The following PRKCE variants were observed in gnomAD, a reference collection of about 807,000 sequenced individuals.
The protein encoded by PRKCE is protein kinase C epsilon type.
Under a neutral mutation model 85.4 loss-of-function variants are expected in PRKCE, and 16 were observed. The observed-to-expected ratio is 0.19, with a 90% CI of 0.13 to 0.28. The LOEUF (loss-of-function observed/expected upper bound fraction) is 0.28. Ranked by LOEUF, PRKCE falls within the 10% of genes least tolerant of loss-of-function variation. The pLI, the probability that PRKCE is intolerant of heterozygous loss-of-function variation, is 1.00. For missense variants in PRKCE, 573 were observed against 975.2 expected (o/e 0.59, Z 5.49); for synonymous variants, 388 against 371.5 (o/e 1.04, Z -0.51).
chr2:45,900,944 A>G (rs114014321), intron 2 of PRKCE, among the ~76,000 whole-genome samples: 4,431 of 152,332 alleles, frequency 0.029, 95 homozygotes, highest in South Asian at 0.057. Context: ...CAAATGAGTA[A>G]GGCAATACAG....
chr2:45,942,424 G>T (rs1190590741), intron 2 of PRKCE, among the ~76,000 whole-genome samples: 4 of 152,198 alleles, frequency 2.6e-5, no homozygotes, highest in African/African-American at 9.7e-5. Context: ...AATCCATTGA[G>T]AGGATATAAA....
intron 2 of PRKCE, among the ~76,000 whole-genome samples, chr2:45,908,354 C>G (rs988885966): frequency 1.3e-5 from 2 of 152,182 alleles, no homozygotes; most frequent in Non-Finnish European, 2.9e-5. Context: ...AGAAACGGAC[C>G]AGGAGCAAGG....
intron 2 of PRKCE, among the ~76,000 whole-genome samples, chr2:45,857,649 G>A (rs1421544236): frequency 6.6e-6 from 1 of 152,058 alleles, no homozygotes; most frequent in Non-Finnish European, 1.5e-5. Context: ...CTGAGCTCAA[G>A]CAATCTGCCT....
intron 1 of PRKCE, among the ~76,000 whole-genome samples, chr2:45,665,116 T>C (rs1675851783): frequency 6.6e-6 from 1 of 152,266 alleles, no homozygotes; most frequent in African/African-American, 2.4e-5. Flanking sequence ...ATGCATTTAC[T>C]TGTAATTGTT....
chr2:45,658,250 C>T (rs895257380), intron 1 of PRKCE, among the ~76,000 whole-genome samples: 6 of 152,190 alleles, frequency 3.9e-5, no homozygotes, highest in African/African-American at 1.4e-4. Context: ...TCCAATATTG[C>T]TCTCATTGGT....
chr2:45,730,613 C>T (rs942279419), intron 1 of PRKCE, among the ~76,000 whole-genome samples: 28 of 151,832 alleles, frequency 1.8e-4, no homozygotes, highest in African/African-American at 6.8e-4. Context: ...GTGTGCACCA[C>T]CACACCTGGC....
intron 2 of PRKCE, among the ~76,000 whole-genome samples, chr2:45,964,334 C>G (rs553756953): frequency 3.9e-4 from 59 of 152,292 alleles, no homozygotes; most frequent in African/African-American, 1.3e-3. Context: ...AACGTGAGCT[C>G]CATTGTGCTC....
intron 2 of PRKCE, among the ~76,000 whole-genome samples, chr2:45,937,317 A>G (rs1699534147): frequency 6.6e-6 from 1 of 151,924 alleles, no homozygotes. Flanking sequence ...TACACTTAGG[A>G]CTCCCTGTGT....
intron 2 of PRKCE, among the ~76,000 whole-genome samples, chr2:45,948,267 T>C (rs961291232): frequency 3.3e-5 from 5 of 152,204 alleles, no homozygotes; most frequent in Non-Finnish European, 7.3e-5. Flanking sequence ...TTAAAAACAT[T>C]GGAAATATTT....
At chr2:45,769,771 G>A (rs1463181324) in intron 1 of PRKCE, among the ~76,000 whole-genome samples, 3 of 152,224 alleles carry the variant, frequency 2.0e-5, no homozygotes, top group African/African-American at 7.2e-5. Flanking sequence ...AAATCAACCA[G>A]ATACAGATTA....
intron 1 of PRKCE, among the ~76,000 whole-genome samples, chr2:45,737,831 C>T (rs746343632): frequency 4.6e-5 from 7 of 152,142 alleles, no homozygotes; most frequent in African/African-American, 1.7e-4. Flanking sequence ...TTGCCAAGTG[C>T]TTCTTGGACA....
At chr2:46,054,992 C>T (rs1039288546) in intron 10 of PRKCE, among the ~76,000 whole-genome samples, 1 of 152,186 alleles carries the variant, frequency 6.6e-6, no homozygotes, top group East Asian at 1.9e-4. Flanking sequence ...TTCAGCTCCC[C>T]TTCCCACTCA....
chr2:45,781,082 C>T (rs570819301), intron 1 of PRKCE, among the ~76,000 whole-genome samples: 64 of 152,198 alleles, frequency 4.2e-4, no homozygotes, highest in African/African-American at 1.5e-3. Flanking sequence ...GCTGTAATCC[C>T]AGCACTTTGG....
At chr2:45,787,061 A>G (rs1285297392) in intron 1 of PRKCE, among the ~76,000 whole-genome samples, 2 of 152,140 alleles carry the variant, frequency 1.3e-5, no homozygotes, top group African/African-American at 4.8e-5. Flanking sequence ...AGAGACCCTG[A>G]GTGAATCTTA....
At position 46,004,326 on chromosome 2, in the gene PRKCE, A is replaced by G. The variant is rs1704981044; in HGVS notation, c.967-216A>G. ...GTGAATGTAGGGAAGGTGCACTGAAATTCCTTTTGTGGTTCTTGCTCTGGT... is the reference window on the plus strand; with the variant it reads ...GTGAATGTAGGGAAGGTGCACTGAAGTTCCTTTTGTGGTTCTTGCTCTGGT... On this transcript the variant is annotated intron_variant, in intron 7 of 14. Coordinates refer to ENST00000306156, the MANE Select transcript of PRKCE (RefSeq NM_005400.3). The surrounding 1 kb of genome is among the most constrained non-coding windows in gnomAD (Gnocchi z 4.1). The G allele has an allele frequency of 2.0e-6, 1 of 494,616 alleles. No homozygotes were observed. The highest frequency in any genetic ancestry group is 3.7e-6 in the Non-Finnish European group (1 of 268,116). The allele number at this position is 494,616 out of a possible 1,614,324, so 30.6% of individuals were successfully genotyped here.
At chr2:46,028,721 A>T (rs1316914562) in intron 10 of PRKCE, among the ~76,000 whole-genome samples, 1 of 152,184 alleles carries the variant, frequency 6.6e-6, no homozygotes, top group Non-Finnish European at 1.5e-5. Flanking sequence ...TACATAGGTA[A>T]ACTTGTGTCA....
At chr2:45,879,260 C>T (rs549455935) in intron 2 of PRKCE, among the ~76,000 whole-genome samples, 2 of 152,164 alleles carry the variant, frequency 1.3e-5, no homozygotes, top group South Asian at 2.1e-4. Context: ...AGAGTCCAGC[C>T]GAGGATGGCC....
intron 10 of PRKCE, among the ~76,000 whole-genome samples, chr2:46,029,975 C>T (rs954540618): frequency 2.0e-5 from 3 of 152,190 alleles, no homozygotes; most frequent in East Asian, 1.9e-4. Context: ...CTCTCTGTGA[C>T]GCAAGGTGAA....
intron 11 of PRKCE, among the ~76,000 whole-genome samples, chr2:46,121,699 G>T (rs1468256008): frequency 6.6e-6 from 1 of 152,218 alleles, no homozygotes; most frequent in Non-Finnish European, 1.5e-5. Context: ...CTTTCAGCAC[G>T]TGTCAGTGAG....
Sources: allele counts gnomAD v4.1 joint callset (sites outside exome capture counted in the v4.1 genomes callset), GRCh38; gene constraint gnomAD v4.1.1; non-coding constraint Gnocchi (gnomAD v3.1); transcripts MANE v1.5; gene names NCBI Gene and HGNC (gene_info 2026-07-23, HGNC 2026-07-21).